The following AFG1L variants were observed in gnomAD, a reference collection of about 807,000 sequenced individuals.
AFG1L encodes AFG1 like ATPase.
In AFG1L, 53 loss-of-function variants were observed where a neutral mutation model predicts 62.2. The observed-to-expected ratio is 0.85, with a 90% CI of 0.68 to 1.07. The LOEUF (loss-of-function observed/expected upper bound fraction) is 1.07. AFG1L is among the 50% of genes least tolerant of loss of function. AFG1L has a pLI of 0.00. For missense variants in AFG1L, 555 were observed against 590.5 expected (o/e 0.94, Z 0.62); for synonymous variants, 228 against 210.3 (o/e 1.08, Z -0.73).
At chr6:108,385,614 A>G (rs1249990349) in intron 6 of AFG1L, among the ~76,000 whole-genome samples, 2 of 151,918 alleles carry the variant, frequency 1.3e-5, no homozygotes, top group Non-Finnish European at 2.9e-5. Context: ...CTGATTTCCC[A>G]CTCCACACGC....
At chr6:108,359,636 AT>A (rs1180152124) in intron 5 of AFG1L, 1 of 152,326 alleles carries the variant, frequency 6.6e-6, no homozygotes, top group Non-Finnish European at 1.5e-5. Context: ...TAAGTAGCTA[AT>A]CCACAATCTC....
intron 8 of AFG1L, among the ~76,000 whole-genome samples, chr6:108,464,748 C>G (rs1450700550): frequency 6.6e-6 from 1 of 151,774 alleles, no homozygotes; most frequent in Admixed American, 6.6e-5. Context: ...CTCCTCAACC[C>G]TACCTCCCAA....
At chr6:108,469,997 T>C (rs1772821733) in intron 8 of AFG1L, among the ~76,000 whole-genome samples, 1 of 152,200 alleles carries the variant, frequency 6.6e-6, no homozygotes, top group Non-Finnish European at 1.5e-5. Flanking sequence ...GTTTGCAGCC[T>C]AACTCCTCAC....
intron 7 of AFG1L, among the ~76,000 whole-genome samples, chr6:108,405,251 A>G (rs145545333): frequency 2.0e-4 from 30 of 152,336 alleles, no homozygotes; most frequent in African/African-American, 6.5e-4. Context: ...GTGATTTACA[A>G]TGGAAGCTGG....
At chr6:108,483,882 T>A (rs979035743) in intron 10 of AFG1L, among the ~76,000 whole-genome samples, 1 of 152,192 alleles carries the variant, frequency 6.6e-6, no homozygotes, top group African/African-American at 2.4e-5. Context: ...AGTGTATATA[T>A]CCTTAGACTT....
In AFG1L at chr6:108,351,452, C is replaced by T. The variant is rs76314935; in HGVS notation, c.416-4202C>T. 1.3e-3 allele frequency among the ~76,000 whole-genome samples: 194 copies of T among 152,248 alleles called. 1 individual carries two copies. Among genetic ancestry groups the T allele is most frequent in the African/African-American group, 4.4e-3 (183 of 41,532 alleles). ...ATCTTGCTAAATTTAATTATTAACT[C>T]TAGTGGTGATTTGGTAGATTCTTTA... On this transcript the variant is annotated intron_variant, in intron 3 of 12. Transcript: ENST00000368977.
intron 7 of AFG1L, among the ~76,000 whole-genome samples, chr6:108,413,920 G>A (rs1165110601): frequency 6.6e-6 from 1 of 152,014 alleles, no homozygotes; most frequent in African/African-American, 2.4e-5. Flanking sequence ...ACTAAGAACA[G>A]CGCAGAACTG....
At chr6:108,373,830 G>A (rs777968691) in intron 6 of AFG1L, among the ~76,000 whole-genome samples, 4 of 152,012 alleles carry the variant, frequency 2.6e-5, no homozygotes, top group East Asian at 1.9e-4. Flanking sequence ...CACTTGCCTC[G>A]GCCTCCCAAA....
At chr6:108,478,208 C>T (rs533280794) in intron 10 of AFG1L, among the ~76,000 whole-genome samples, 3 of 152,262 alleles carry the variant, frequency 2.0e-5, no homozygotes, top group African/African-American at 7.2e-5. Flanking sequence ...GAGGCCGAGG[C>T]GGGTGGATCA....
At chr6:108,478,412 G>T (rs1173896285) in intron 10 of AFG1L, among the ~76,000 whole-genome samples, 1 of 152,242 alleles carries the variant, frequency 6.6e-6, no homozygotes, top group African/African-American at 2.4e-5. Context: ...ATTCCAGTCT[G>T]GGTGACAGTG....
In AFG1L at chr6:108,356,790, A is replaced by T; in HGVS notation, c.618A>T (p.Glu206Asp). ...CCATAGCCGAAGAAATCAGCGAAGAAGCATGTCTCCTATGTTTTGATGAAT... is the reference window on the plus strand; with the variant it reads ...CCATAGCCGAAGAAATCAGCGAAGATGCATGTCTCCTATGTTTTGATGAAT... ...IAPIAEEISE[E>D]ACLLCFDEFQ... The change falls in exon 5 of 13, where the codon GAA becomes GAT. Residue 206 changes from glutamate (E) to aspartate (D), a missense_variant. Physicochemically the swap from Glu to Asp is conservative, Grantham distance 45. Transcript: ENST00000368977. The T allele has an allele frequency of 1.2e-6, 2 of 1,613,598 alleles. No homozygotes were observed. The highest frequency in any genetic ancestry group is 8.5e-7 in the Non-Finnish European group (1 of 1,179,740).
intron 12 of AFG1L, chr6:108,521,075 AAC>A (rs1562210995): frequency 6.6e-6 from 1 of 152,266 alleles, no homozygotes; most frequent in African/African-American, 2.4e-5. Context: ...TCTAACCTAG[AAC>A]AGTTTCATCC....
intron 6 of AFG1L, 60 bp from the exon 7 acceptor site, chr6:108,401,936 C>T (rs1418121522): frequency 1.9e-5 from 14 of 752,824 alleles, no homozygotes; most frequent in Non-Finnish European, 2.9e-5. Context: ...CCAGGCTAAA[C>T]GATAAATTAA....
At chr6:108,423,675 A>G (rs1012888817) in intron 7 of AFG1L, among the ~76,000 whole-genome samples, 1 of 152,120 alleles carries the variant, frequency 6.6e-6, no homozygotes, top group South Asian at 2.1e-4. Flanking sequence ...CTCTAAATAT[A>G]TACACAAGCA....
chr6:108,500,171 C>CAT (rs1554204022), intron 10 of AFG1L, among the ~76,000 whole-genome samples: 2 of 135,070 alleles, frequency 1.5e-5, no homozygotes, highest in African/African-American at 2.9e-5. Context: ...ATGGTGCGTG[C>CAT]GTGTGTGTGT....
At chr6:108,369,758 A>C (rs1267328180) in intron 6 of AFG1L, among the ~76,000 whole-genome samples, 1 of 152,120 alleles carries the variant, frequency 6.6e-6, no homozygotes. Flanking sequence ...ACAGGCACCC[A>C]CCACCATGCC....
chr6:108,376,489 A>C (rs1780253094), intron 6 of AFG1L, among the ~76,000 whole-genome samples: 1 of 152,138 alleles, frequency 6.6e-6, no homozygotes, highest in African/African-American at 2.4e-5. Flanking sequence ...ATTTCAAAGA[A>C]TCTTTTGATT....
chr6:108,395,708 C>T (rs537250095), intron 6 of AFG1L, among the ~76,000 whole-genome samples: 3 of 146,494 alleles, frequency 2.0e-5, no homozygotes, highest in East Asian at 4.4e-4. Flanking sequence ...AGGTCTACTA[C>T]TGTATCTATT....
chr6:108,406,348 G>A (rs1435427452), intron 7 of AFG1L, among the ~76,000 whole-genome samples: 1 of 150,906 alleles, frequency 6.6e-6, no homozygotes, highest in East Asian at 1.9e-4. Context: ...CATCCCAGTG[G>A]GTGTGAAGTG....
Sources: allele counts gnomAD v4.1 joint callset (sites outside exome capture counted in the v4.1 genomes callset), GRCh38; gene constraint gnomAD v4.1.1; transcripts MANE v1.5; gene names NCBI Gene and HGNC (gene_info 2026-07-23, HGNC 2026-07-21).